The following KCNH5 variants were observed in gnomAD, a reference collection of about 807,000 sequenced individuals.
KCNH5 encodes the protein potassium voltage-gated channel subfamily H member 5.
In KCNH5, 46 loss-of-function variants were observed where a neutral mutation model predicts 96.1. That is an observed-to-expected ratio of 0.48 (90% CI 0.38 to 0.61). The LOEUF is 0.61. Among genes scored for constraint, KCNH5 ranks in the 20% least tolerant of loss-of-function variants. KCNH5 has a pLI of 0.00. For synonymous variants in KCNH5, 439 were observed against 449.8 expected (o/e 0.98, Z 0.30); for missense variants, 907 against 1,225.8 (o/e 0.74, Z 3.88).
At chr14:62,864,124 CGTT>C (rs1220190987) in intron 7 of KCNH5, among the ~76,000 whole-genome samples, 2 of 152,048 alleles carry the variant, frequency 1.3e-5, no homozygotes, top group African/African-American at 4.8e-5. Context: ...AAAATGTTAA[CGTT>C]GTTACTTTTG....
intron 6 of KCNH5, among the ~76,000 whole-genome samples, chr14:62,961,226 C>G (rs941263289): frequency 1.3e-5 from 2 of 152,136 alleles, no homozygotes; most frequent in African/African-American, 4.8e-5. Flanking sequence ...CCCTGCCTAC[C>G]TCTTCAGACT....
At position 62,700,216 on chromosome 14, in the gene KCNH5, T is replaced by C. The variant is rs1884326545; in HGVS notation, c.*7292A>G. 1 of 152,332 alleles carries C rather than the reference T, an allele frequency of 6.6e-6. No homozygotes were observed. The highest frequency in any genetic ancestry group is 2.4e-5 in the African/African-American group (1 of 41,582). 9.4% of individuals were successfully genotyped at this position (152,332 alleles called of 1,614,324 possible). A position where few individuals can be genotyped will look rare whatever the true frequency, so the allele number is the denominator to read the frequency against. The stretch of plus-strand genomic sequence containing the variant: ...CGTGAATCTGCACATTTTGTGTTGT[T>C]TGAGTACCAAGCACTTCTAAAAGTC... On this transcript the variant is annotated 3_prime_UTR_variant, in exon 11 of 11. Coordinates refer to ENST00000322893, the MANE Select transcript of KCNH5 (RefSeq NM_139318.5).
chr14:62,840,022 T>C (rs781253955), intron 8 of KCNH5, among the ~76,000 whole-genome samples: 4 of 152,154 alleles, frequency 2.6e-5, no homozygotes, highest in Non-Finnish European at 5.9e-5. Context: ...TCAGGGTAAC[T>C]ATTGAAGATT....
intron 7 of KCNH5, among the ~76,000 whole-genome samples, chr14:62,856,392 T>C (rs948283352): frequency 2.6e-5 from 4 of 152,244 alleles, no homozygotes; most frequent in East Asian, 1.9e-4. Context: ...CCAAGTGATA[T>C]TGGCCTTAGG....
chr14:62,815,362 T>C (rs2140011523), intron 8 of KCNH5, among the ~76,000 whole-genome samples: 1 of 152,292 alleles, frequency 6.6e-6, no homozygotes, highest in Non-Finnish European at 1.5e-5. Context: ...TGGCTACACA[T>C]GTGTCCACTT....
chr14:62,797,320 AACAAG>A (rs1189886778), intron 9 of KCNH5, among the ~76,000 whole-genome samples: 5 of 152,186 alleles, frequency 3.3e-5, no homozygotes, highest in African/African-American at 1.2e-4. Flanking sequence ...AAATGTTTAA[AACAAG>A]ACAAGTATGC....
chr14:62,755,038 T>C (rs1409948619), intron 10 of KCNH5, among the ~76,000 whole-genome samples: 1 of 145,558 alleles, frequency 6.9e-6, no homozygotes, highest in Non-Finnish European at 1.5e-5. Flanking sequence ...TAATGATGCA[T>C]ACTGAAGAAC....
intron 7 of KCNH5, among the ~76,000 whole-genome samples, chr14:62,948,286 A>T (rs1346249692): frequency 6.6e-6 from 1 of 152,144 alleles, no homozygotes; most frequent in Non-Finnish European, 1.5e-5. Context: ...TGCAATAAAC[A>T]TATGTGTGCA....
At chr14:62,851,587 G>A (rs1451143544) in intron 7 of KCNH5, among the ~76,000 whole-genome samples, 1 of 149,302 alleles carries the variant, frequency 6.7e-6, no homozygotes, top group East Asian at 1.9e-4. Context: ...ACAGAAATAA[G>A]GTTAACAAAT....
intron 7 of KCNH5, among the ~76,000 whole-genome samples, chr14:62,921,864 G>A (rs754528121): frequency 6.6e-6 from 1 of 152,048 alleles, no homozygotes; most frequent in Non-Finnish European, 1.5e-5. Flanking sequence ...TACATCTTAA[G>A]TTGACCTCTT....
chr14:62,997,651 G>A (rs537078000), intron 4 of KCNH5, among the ~76,000 whole-genome samples: 25 of 151,824 alleles, frequency 1.6e-4, no homozygotes, highest in South Asian at 1.3e-3. Flanking sequence ...GAAAAATATT[G>A]GTTTGGAAGG....
rs1175542468 is a variant in KCNH5 at position 62,853,472 on chromosome 14, T to TG, written c.1370-3621_1370-3620insC. On this transcript the variant is annotated intron_variant, in intron 7 of 10. Coordinates refer to ENST00000322893, the MANE Select transcript of KCNH5 (RefSeq NM_139318.5). ...AAGAATAATCATATATATATATATA[T>TG]ATATATATCATATATATATATAATC... is the stretch of plus-strand genomic sequence containing the variant. 1.5e-3 allele frequency among the ~76,000 whole-genome samples: 173 copies of TG among 112,872 alleles called. 3 individuals are homozygous for TG. The highest frequency in any genetic ancestry group is 7.8e-3 in the African/African-American group (169 of 21,760). 74.0% of individuals were successfully genotyped at this position (112,872 alleles called of 152,430 possible).
chr14:62,931,390 A>C (rs565053175), intron 7 of KCNH5, among the ~76,000 whole-genome samples: 1 of 152,268 alleles, frequency 6.6e-6, no homozygotes, highest in African/African-American at 2.4e-5. Context: ...GCAAAGAAGC[A>C]GAGAGACTCA....
At chr14:63,019,457 G>C (rs1367100774) in intron 1 of KCNH5, among the ~76,000 whole-genome samples, 9 of 151,962 alleles carry the variant, frequency 5.9e-5, no homozygotes, top group Non-Finnish European at 1.0e-4. Flanking sequence ...GTAAACTATA[G>C]TAATTAAGAT....
chr14:62,851,417 C>G (rs1453056403), intron 7 of KCNH5, among the ~76,000 whole-genome samples: 1 of 148,820 alleles, frequency 6.7e-6, no homozygotes, highest in Non-Finnish European at 1.5e-5. Context: ...GAAGAGGTTA[C>G]TAGGATTCTG....
At chr14:62,805,533 AT>A (rs1314571056) in intron 8 of KCNH5, among the ~76,000 whole-genome samples, 2 of 152,178 alleles carry the variant, frequency 1.3e-5, no homozygotes, top group Non-Finnish European at 2.9e-5. Flanking sequence ...TCATCAAAAT[AT>A]AAGTATCTTG....
At chr14:62,908,191 G>A (rs528560005) in intron 7 of KCNH5, among the ~76,000 whole-genome samples, 13 of 152,180 alleles carry the variant, frequency 8.5e-5, no homozygotes, top group Non-Finnish European at 1.8e-4. Flanking sequence ...TCAATATGTA[G>A]TAAATAGGAG....
At chr14:62,759,822 T>C (rs1885709180) in intron 10 of KCNH5, among the ~76,000 whole-genome samples, 1 of 152,134 alleles carries the variant, frequency 6.6e-6, no homozygotes, top group Non-Finnish European at 1.5e-5. Flanking sequence ...CAAATCCAAA[T>C]CTACTTTCAT....
At chr14:62,866,645 G>A (rs1888139975) in intron 7 of KCNH5, among the ~76,000 whole-genome samples, 1 of 152,148 alleles carries the variant, frequency 6.6e-6, no homozygotes, top group African/African-American at 2.4e-5. Flanking sequence ...GAGGTTGCAT[G>A]ACTGAGGCTG....
Sources: allele counts gnomAD v4.1 joint callset (sites outside exome capture counted in the v4.1 genomes callset), GRCh38; gene constraint gnomAD v4.1.1; transcripts MANE v1.5; gene names NCBI Gene and HGNC (gene_info 2026-07-23, HGNC 2026-07-21).